The following LRRC37A2 variants were observed in gnomAD, a reference collection of about 807,000 sequenced individuals.
The protein encoded by LRRC37A2 is leucine-rich repeat-containing protein 37A2.
In LRRC37A2, 9 loss-of-function variants were observed where a neutral mutation model predicts 68.8. That is an observed-to-expected ratio of 0.13 (90% CI 0.08 to 0.23). The LOEUF (loss-of-function observed/expected upper bound fraction) is 0.23, where lower values mean the gene tolerates loss of function less well. Ranked by LOEUF, LRRC37A2 falls within the 10% of genes least tolerant of loss-of-function variation. The pLI is 1.00. For missense variants in LRRC37A2, 168 were observed against 950.4 expected (o/e 0.18, Z 10.82); for synonymous variants, 63 against 367.6 (o/e 0.17, Z 9.48).
the LRRC37A2 span, among the ~76,000 whole-genome samples, chr17:46,783,774 C>T: frequency 6.6e-6 from 1 of 152,164 alleles, no homozygotes; most frequent in African/African-American, 2.4e-5. Flanking sequence ...GGGGGACAGC[C>T]CCAGGCAAGG....
At chr17:46,708,637 A>G in the LRRC37A2 span, among the ~76,000 whole-genome samples, 1 of 144,928 alleles carries the variant, frequency 6.9e-6, no homozygotes, top group Non-Finnish European at 1.5e-5. Context: ...GATTGTAGGC[A>G]CCCATCACCA....
At position 46,534,501 on chromosome 17, in the gene LRRC37A2, C is replaced by CACTG. The variant is rs1346452587; in HGVS notation, c.2907-5674_2907-5671dup. Among the ~76,000 whole-genome samples, 22 of 148,498 alleles carry CACTG rather than the reference C, an allele frequency of 1.5e-4. 1 individual carries two copies. The highest frequency in any genetic ancestry group is 4.2e-4 in the South Asian group (2 of 4,732). On this transcript the variant is annotated intron_variant, in intron 6 of 14. Transcript: ENST00000576629. ...TGGACACAGCACATGTTTCAGAGAG[C>CACTG]ACTGGGTTGGGGGTAAGGTCATAGA... is the stretch of plus-strand genomic sequence containing the variant.
chr17:46,631,076 A>G, the LRRC37A2 span, among the ~76,000 whole-genome samples: 2 of 144,610 alleles, frequency 1.4e-5, no homozygotes, highest in East Asian at 3.9e-4. Flanking sequence ...ACACACACAC[A>G]CACACACACA....
the LRRC37A2 span, among the ~76,000 whole-genome samples, chr17:46,912,937 G>T: frequency 6.6e-6 from 1 of 152,198 alleles, no homozygotes; most frequent in Non-Finnish European, 1.5e-5. Context: ...CCACCAACAA[G>T]CTTGGCCAGC....
chr17:46,764,768 T>C, the LRRC37A2 span: 3 of 152,242 alleles, frequency 2.0e-5, no homozygotes, highest in Non-Finnish European at 2.9e-5. Flanking sequence ...TTCTCCACGC[T>C]CTCCTCTGTG....
chr17:46,712,737 T>C, the LRRC37A2 span, among the ~76,000 whole-genome samples: 1 of 152,030 alleles, frequency 6.6e-6, no homozygotes, highest in Non-Finnish European at 1.5e-5. Flanking sequence ...GGCCTAGAAC[T>C]TGTCTCTGAA....
At chr17:46,466,880 G>A in the LRRC37A2 span, among the ~76,000 whole-genome samples, 1 of 102,930 alleles carries the variant, frequency 9.7e-6, no homozygotes. Context: ...CAAAGGAACA[G>A]AACAGAGGCC....
chr17:47,003,638 G>A, the LRRC37A2 span, among the ~76,000 whole-genome samples: 1 of 152,192 alleles, frequency 6.6e-6, no homozygotes, highest in African/African-American at 2.4e-5. Flanking sequence ...TTTTAATTAC[G>A]TGGATGGCGT....
the LRRC37A2 span, among the ~76,000 whole-genome samples, chr17:47,025,787 A>G: frequency 8.0e-6 from 1 of 125,756 alleles, no homozygotes; most frequent in Non-Finnish European, 1.6e-5. Flanking sequence ...AGAAGGCTTA[A>G]GGAAAGTGGG....
chr17:46,708,023 C>A, the LRRC37A2 span, among the ~76,000 whole-genome samples: 2 of 147,626 alleles, frequency 1.4e-5, no homozygotes, highest in Admixed American at 6.7e-5. Flanking sequence ...CAGAGCAAGA[C>A]CCTGTCTCAA....
the LRRC37A2 span, among the ~76,000 whole-genome samples, chr17:47,036,916 A>T: frequency 0.42 from 40,738 of 97,064 alleles, 9,450 homozygotes; most frequent in Non-Finnish European, 0.49. Flanking sequence ...TAGCAAAGAT[A>T]TGTAATCAAC....
At chr17:47,003,190 G>A in the LRRC37A2 span, among the ~76,000 whole-genome samples, 25 of 145,678 alleles carry the variant, frequency 1.7e-4, no homozygotes, top group African/African-American at 6.1e-4. Flanking sequence ...GAAATTTGAG[G>A]CTTCAGTGAG....
chr17:46,854,444 G>A, the LRRC37A2 span, among the ~76,000 whole-genome samples: 3 of 152,246 alleles, frequency 2.0e-5, no homozygotes, highest in South Asian at 2.1e-4. Context: ...TCATAGAATC[G>A]TAGACTTCAG....
the LRRC37A2 span, among the ~76,000 whole-genome samples, chr17:46,569,099 A>G: frequency 1.3e-5 from 2 of 148,690 alleles, no homozygotes; most frequent in African/African-American, 5.1e-5. Context: ...TGCACCACCA[A>G]GCCTGGCTAA....
chr17:47,023,840 A>C, the LRRC37A2 span, among the ~76,000 whole-genome samples: 2 of 152,116 alleles, frequency 1.3e-5, no homozygotes, highest in East Asian at 1.9e-4. Flanking sequence ...GGTGATTCAC[A>C]CACCTTGGCT....
the LRRC37A2 span, among the ~76,000 whole-genome samples, chr17:46,712,998 A>G: frequency 2.0e-5 from 3 of 152,144 alleles, no homozygotes; most frequent in Admixed American, 6.5e-5. Flanking sequence ...GTTCAGTGTA[A>G]TGGGGATGGG....
chr17:46,979,401 G>C, the LRRC37A2 span, among the ~76,000 whole-genome samples: 2 of 152,216 alleles, frequency 1.3e-5, no homozygotes, highest in African/African-American at 4.8e-5. Flanking sequence ...GGTGCTGGAG[G>C]GGGTCGGGAG....
chr17:46,802,418 A>G, the LRRC37A2 span, among the ~76,000 whole-genome samples: 1 of 152,172 alleles, frequency 6.6e-6, no homozygotes, highest in Non-Finnish European at 1.5e-5. Context: ...GGCACCTGCC[A>G]CCATGCTCGG....
At chr17:46,851,783 G>A in the LRRC37A2 span, 1 of 868,782 alleles carries the variant, frequency 1.2e-6, no homozygotes, top group South Asian at 4.4e-5. This position sits in a 1 kb window ranked among gnomAD's most constrained non-coding sequence, Gnocchi z 4.3. Flanking sequence ...GCTACAGCTG[G>A]GCCAATTTTT....
Sources: gnomAD v4.1 joint callset for allele counts (sites outside exome capture counted in the v4.1 genomes callset) on GRCh38, gnomAD v4.1.1 for gene constraint, Gnocchi (gnomAD v3.1) non-coding constraint, MANE v1.5 for transcripts, NCBI Gene and HGNC (gene_info 2026-07-23, HGNC 2026-07-21) for gene names.